The following UBE3A variants were observed in gnomAD, a reference collection of about 807,000 sequenced individuals.
The protein encoded by UBE3A is ubiquitin-protein ligase E3A.
UBE3A carries 6 observed loss-of-function variants against 83.4 expected under a neutral mutation model. The observed-to-expected ratio is 0.07, with a 90% CI of 0.04 to 0.14. The LOEUF (loss-of-function observed/expected upper bound fraction) is 0.14. Ranked by LOEUF, UBE3A falls within the 10% of genes least tolerant of loss-of-function variation. The pLI is 1.00. For synonymous variants in UBE3A, 337 were observed against 355.4 expected (o/e 0.95, Z 0.58); for missense variants, 456 against 1,036.1 (o/e 0.44, Z 7.69).
intron 4 of UBE3A, among the ~76,000 whole-genome samples, chr15:25,397,592 C>T (rs1361956902): frequency 1.3e-5 from 2 of 152,146 alleles, no homozygotes; most frequent in Non-Finnish European, 2.9e-5. Flanking sequence ...TATCATGCAA[C>T]CCTTTTATGT....
rs551370748 is a variant in UBE3A at position 25,336,511 on chromosome 15, CG to C, written c.*2625del. The C allele has an allele frequency of 6.6e-6, 1 of 152,166 alleles. No individual in the cohort carries two copies. The highest frequency in any genetic ancestry group is 1.5e-5 in the Non-Finnish European group (1 of 68,034). 9.4% of individuals were successfully genotyped at this position (152,166 alleles called of 1,614,324 possible). Reference sequence around the variant, plus strand: ...TGTACCGAGGAGGGATGAGTAACATCGGCAAGTTCTGTTCGAAGCCTTTTTC... The same window carrying C: ...TGTACCGAGGAGGGATGAGTAACATCGCAAGTTCTGTTCGAAGCCTTTTTC... On this transcript the variant is annotated 3_prime_UTR_variant, in exon 13 of 13. Transcript: ENST00000648336.
intron 4 of UBE3A, among the ~76,000 whole-genome samples, chr15:25,376,025 A>AGG (rs1241976961): frequency 2.0e-5 from 3 of 151,770 alleles, no homozygotes; most frequent in South Asian, 4.2e-4. Flanking sequence ...TTGGTTTAAA[A>AGG]GGGGGGAGGG....
At chr15:25,377,349 C>T (rs966595439) in intron 4 of UBE3A, among the ~76,000 whole-genome samples, 3 of 152,026 alleles carry the variant, frequency 2.0e-5, no homozygotes, top group Non-Finnish European at 4.4e-5. Context: ...TCACTGCATG[C>T]AAACAGAGAA....
intron 1 of UBE3A, among the ~76,000 whole-genome samples, chr15:25,433,537 T>C (rs1238367431): frequency 6.6e-6 from 1 of 152,160 alleles, no homozygotes; most frequent in Non-Finnish European, 1.5e-5. Flanking sequence ...TTGAAAAGCA[T>C]ACTCTTTTAA....
In UBE3A at chr15:25,340,254, T is replaced by G. The variant is rs199854815; in HGVS notation, c.2355-26A>C. ...CTAATGAGAAAAAATACAATACTGGTTTCAGTTTGGCATTCATTATGACTG... is the reference window on the plus strand; with the variant it reads ...CTAATGAGAAAAAATACAATACTGGGTTCAGTTTGGCATTCATTATGACTG... On this transcript the variant is annotated intron_variant, in intron 11 of 12. Transcript: ENST00000648336. 1.5e-5 allele frequency: 24 copies of G among 1,608,864 alleles called. No homozygotes were observed. The African/African-American group carries it at 3.1e-4, about 21-fold the overall frequency.
rs1318198483 is a variant in UBE3A at position 25,335,643 on chromosome 15, CAA to C, written c.*3492_*3493del. ...GAAGGTTACATTTCTTAAAAAGAAA[CAA>C]AGAATGGTCGGTCGATAGAGATGCA... is the stretch of plus-strand genomic sequence containing the variant. On this transcript the variant is annotated 3_prime_UTR_variant, in exon 13 of 13. Transcript: ENST00000648336. The C allele has an allele frequency of 6.6e-6, 1 of 152,048 alleles. No individual in the cohort carries two copies. The highest frequency in any genetic ancestry group is 1.5e-5 in the Non-Finnish European group (1 of 68,006). The allele number at this position is 152,048 out of a possible 1,614,324, so 9.4% of individuals were successfully genotyped here. A position where few individuals can be genotyped will look rare whatever the true frequency, so the allele number is the denominator to read the frequency against.
chr15:25,391,058 T>G (rs1289312770), intron 4 of UBE3A, among the ~76,000 whole-genome samples: 1 of 152,192 alleles, frequency 6.6e-6, no homozygotes, highest in African/African-American at 2.4e-5. Flanking sequence ...TACCCATGTT[T>G]ATTTCAACAT....
intron 4 of UBE3A, among the ~76,000 whole-genome samples, chr15:25,388,947 A>G (rs2083699240): frequency 6.6e-6 from 1 of 152,196 alleles, no homozygotes; most frequent in Admixed American, 6.5e-5. Context: ...ATGTTTTAGA[A>G]CTCTGATGAA....
chr15:25,392,334 T>A (rs191189196), intron 4 of UBE3A, among the ~76,000 whole-genome samples: 24 of 152,302 alleles, frequency 1.6e-4, no homozygotes, highest in Non-Finnish European at 3.1e-4. Context: ...ATTTCTTGGT[T>A]TCCTCCCTTC....
intron 9 of UBE3A, 76 bp downstream of exon 9, chr15:25,355,813 ACTT>A (rs887906008): frequency 7.4e-7 from 1 of 1,354,782 alleles, no homozygotes; most frequent in Non-Finnish European, 1.0e-6. Flanking sequence ...TATATTAGAT[ACTT>A]CTTTAAAAAT....
At chr15:25,415,651 T>C (rs1234273281) in intron 1 of UBE3A, 1 of 152,178 alleles carries the variant, frequency 6.6e-6, no homozygotes, top group Non-Finnish European at 1.5e-5. Context: ...TGTCTTATTA[T>C]ACATTCTTAA....
At chr15:25,408,555 G>T (rs1567110186) in intron 3 of UBE3A, 7 of 1,597,578 alleles carry the variant, frequency 4.4e-6, no homozygotes, top group Non-Finnish European at 3.4e-6. Context: ...CAGAAAATAT[G>T]ATCACAAAAC....
At chr15:25,394,312 T>A (rs1008528256) in intron 4 of UBE3A, among the ~76,000 whole-genome samples, 10 of 152,192 alleles carry the variant, frequency 6.6e-5, no homozygotes, top group Non-Finnish European at 1.2e-4. Context: ...ATTAAACCTT[T>A]CTCTAATTAT....
intron 11 of UBE3A, among the ~76,000 whole-genome samples, chr15:25,343,533 TCTA>T (rs2075208981): frequency 6.6e-6 from 1 of 152,098 alleles, no homozygotes; most frequent in South Asian, 2.1e-4. Flanking sequence ...GACTAAAATT[TCTA>T]CTGAGGACAG....
In UBE3A at chr15:25,380,641, C is replaced by T. The variant is rs533016945; in HGVS notation, c.63-4878G>A. Among the ~76,000 whole-genome samples, 13 of 152,244 alleles carry T rather than the reference C, an allele frequency of 8.5e-5. No individual in the cohort carries two copies. The South Asian group carries it at 2.7e-3, about 32-fold the overall frequency. ...GAAAAAGAAGGAAAGAAAGGAATTT[C>T]CCTGATGAGATCCCTTAGTAATACC... is the stretch of plus-strand genomic sequence containing the variant. On this transcript the variant is annotated intron_variant, in intron 4 of 12. Coordinates refer to ENST00000648336, the MANE Select transcript of UBE3A (RefSeq NM_130839.5).
intron 3 of UBE3A, among the ~76,000 whole-genome samples, chr15:25,406,241 A>T (rs1294740103): frequency 6.6e-6 from 1 of 152,200 alleles, no homozygotes; most frequent in Non-Finnish European, 1.5e-5. Context: ...TGGTTCAACA[A>T]TGAAACTGTT....
chr15:25,404,955 T>C (rs1237546183), intron 4 of UBE3A, among the ~76,000 whole-genome samples: 1 of 152,218 alleles, frequency 6.6e-6, no homozygotes, highest in African/African-American at 2.4e-5. Context: ...CTACACTAGA[T>C]TCCTATTGCA....
intron 1 of UBE3A, chr15:25,421,989 C>G (rs141122959): frequency 1.3e-5 from 2 of 152,256 alleles, no homozygotes; most frequent in East Asian, 3.9e-4. Context: ...TATGTTCACA[C>G]AAAAACATGC....
At chr15:25,405,311 G>T in intron 4 of UBE3A, 150 bp downstream of exon 4, 1 of 864,160 alleles carries the variant, frequency 1.2e-6, no homozygotes, top group Non-Finnish European at 1.9e-6. Context: ...TATCTGATAG[G>T]AAAAAAAGTA....
Sources: allele counts gnomAD v4.1 joint callset (sites outside exome capture counted in the v4.1 genomes callset), GRCh38; gene constraint gnomAD v4.1.1; transcripts MANE v1.5; gene names NCBI Gene and HGNC (gene_info 2026-07-23, HGNC 2026-07-21).